The following ATAD2B variants were observed in gnomAD, a reference collection of about 807,000 sequenced individuals.
The protein encoded by ATAD2B is ATPase family AAA domain-containing protein 2B.
Under a neutral mutation model 167.6 loss-of-function variants are expected in ATAD2B, and 40 were observed. The observed-to-expected ratio is 0.24, with a 90% CI of 0.19 to 0.31. The LOEUF is 0.31. ATAD2B is among the 10% of genes least tolerant of loss of function. The pLI, the probability that ATAD2B is intolerant of heterozygous loss-of-function variation, is 1.00. For synonymous variants in ATAD2B, 579 were observed against 596.5 expected (o/e 0.97, Z 0.43); for missense variants, 1,242 against 1,757.2 (o/e 0.71, Z 5.24).
rs772706846 is a variant in ATAD2B, at chr2:23,864,784, A to T, written c.1304+25T>A. Reference sequence around the variant, plus strand: ...TTGAGAAAGTAACAGTAATAACAATAATAAACATCTATGACATTGCTTACC... The same window carrying T: ...TTGAGAAAGTAACAGTAATAACAATTATAAACATCTATGACATTGCTTACC... On this transcript the variant is annotated intron_variant, in intron 11 of 27. Coordinates refer to ENST00000238789, the MANE Select transcript of ATAD2B (RefSeq NM_017552.4). 7.9e-6 allele frequency: 9 copies of T among 1,142,246 alleles called. No homozygotes were observed. In the South Asian group the frequency reaches 1.2e-4, roughly 15 times the overall value. The allele number at this position is 1,142,246 out of a possible 1,614,324, so 70.8% of individuals were successfully genotyped here.
the ATAD2B span, among the ~76,000 whole-genome samples, chr2:23,717,566 A>G: frequency 6.6e-6 from 1 of 152,164 alleles, no homozygotes; most frequent in African/African-American, 2.4e-5. Context: ...ACACTTCACA[A>G]AAATAACAGG....
At chr2:23,907,595 C>A (rs1701682412) in intron 1 of ATAD2B, among the ~76,000 whole-genome samples, 3 of 152,168 alleles carry the variant, frequency 2.0e-5, no homozygotes. Context: ...CAATGACTTT[C>A]TTCACAGAAT....
the ATAD2B span, chr2:23,697,428 G>A: frequency 1.3e-5 from 2 of 152,302 alleles, no homozygotes; most frequent in African/African-American, 4.8e-5. Flanking sequence ...GCACAACCCA[G>A]GGGAGACAGC....
intron 2 of ATAD2B, among the ~76,000 whole-genome samples, chr2:23,891,629 C>G (rs1364698829): frequency 6.6e-6 from 1 of 151,684 alleles, no homozygotes. Flanking sequence ...CCAAGCAGTA[C>G]AGGCGTGCAC....
At chr2:23,687,467 A>G in the ATAD2B span, among the ~76,000 whole-genome samples, 1 of 152,174 alleles carries the variant, frequency 6.6e-6, no homozygotes, top group African/African-American at 2.4e-5. Flanking sequence ...CACAGGACAG[A>G]ATGGGAATTC....
chr2:23,799,570 C>CAAAAAAAA (rs763947000), intron 18 of ATAD2B, among the ~76,000 whole-genome samples: 8 of 40,466 alleles, frequency 2.0e-4, no homozygotes, highest in South Asian at 1.0e-3. Flanking sequence ...GACTCCATCT[C>CAAAAAAAA]AAAAAAAAAA....
At position 23,905,518 on chromosome 2, in the gene ATAD2B, T is replaced by A. The variant is rs747103504; in HGVS notation, c.217-9548A>T. On this transcript the variant is annotated intron_variant, in intron 1 of 27. Coordinates refer to ENST00000238789, the MANE Select transcript of ATAD2B (RefSeq NM_017552.4). ...CAGCTTGGGTGACACAGTGAGACCCTGTTTCAAAAAAAGAAAAGAAAAGAA... is the reference window on the plus strand; with the variant it reads ...CAGCTTGGGTGACACAGTGAGACCCAGTTTCAAAAAAAGAAAAGAAAAGAA... Among the ~76,000 whole-genome samples, 21 of 152,026 alleles carry A rather than the reference T, an allele frequency of 1.4e-4. 2 individuals carry two copies. The East Asian group carries it at 4.1e-3, about 29-fold the overall frequency.
At chr2:23,708,130 C>T in the ATAD2B span, 1 of 152,226 alleles carries the variant, frequency 6.6e-6, no homozygotes, top group African/African-American at 2.4e-5. Flanking sequence ...CGCTTTCCAT[C>T]GTTCAGTATT....
chr2:23,811,697 G>A (rs769581226), intron 17 of ATAD2B, among the ~76,000 whole-genome samples: 4 of 151,848 alleles, frequency 2.6e-5, no homozygotes, highest in Admixed American at 6.6e-5. Context: ...GTATACCTAC[G>A]TAACAAACCT....
At chr2:23,903,970 T>A (rs1327294350) in intron 1 of ATAD2B, among the ~76,000 whole-genome samples, 1 of 152,004 alleles carries the variant, frequency 6.6e-6, no homozygotes, top group Non-Finnish European at 1.5e-5. Flanking sequence ...GTAGTGGTGA[T>A]GGTGGTGTGG....
chr2:23,737,966 G>A, the ATAD2B span, among the ~76,000 whole-genome samples: 1 of 152,122 alleles, frequency 6.6e-6, no homozygotes, highest in Non-Finnish European at 1.5e-5. Context: ...AAGACGAAAT[G>A]AATGAAATGA....
At chr2:23,747,298 C>CAT (rs1237938723), downstream of ATAD2B, among the ~76,000 whole-genome samples, 1 of 150,838 alleles carries the variant, frequency 6.6e-6, no homozygotes, top group Non-Finnish European at 1.5e-5. Flanking sequence ...CAGCATACGC[C>CAT]ATATATATAC....
intron 11 of ATAD2B, 72 bp from the exon 12 acceptor site, chr2:23,863,627 TCCC>T: frequency 7.7e-7 from 1 of 1,298,288 alleles, no homozygotes; most frequent in Non-Finnish European, 1.0e-6. Flanking sequence ...TTAAAAAATG[TCCC>T]CCCCTTCCAT....
intron 8 of ATAD2B, 105 bp downstream of exon 8, chr2:23,875,724 G>C: frequency 2.6e-6 from 2 of 762,696 alleles, no homozygotes; most frequent in South Asian, 1.6e-5. Context: ...GAAGATAATA[G>C]TAGCTAAATA....
At chr2:23,805,024 TC>T (rs1417695926) in intron 18 of ATAD2B, among the ~76,000 whole-genome samples, 1 of 150,836 alleles carries the variant, frequency 6.6e-6, no homozygotes, top group Non-Finnish European at 1.5e-5. Context: ...GCGCCTATAA[TC>T]CCACCTACTC....
chr2:23,786,266 G>A lies in ATAD2B; in HGVS notation c.2777-43C>T, dbSNP rs1338370170. On this transcript the variant is annotated intron_variant, in intron 20 of 27. Coordinates refer to ENST00000238789, the MANE Select transcript of ATAD2B (RefSeq NM_017552.4). Reference sequence around the variant, plus strand: ...AAATGTTAAGATTCCAACGTCGTGGGCCAGGACCCTTTTTTGGCATTCTCT... The same window carrying A: ...AAATGTTAAGATTCCAACGTCGTGGACCAGGACCCTTTTTTGGCATTCTCT... 4 of 1,450,710 alleles carry A rather than the reference G, an allele frequency of 2.8e-6. No homozygotes were observed. The South Asian group carries it at 5.3e-5, about 19-fold the overall frequency. 89.9% of individuals were successfully genotyped at this position (1,450,710 alleles called of 1,614,324 possible).
intron 19 of ATAD2B, among the ~76,000 whole-genome samples, chr2:23,795,704 A>T (rs1242025454): frequency 2.0e-5 from 3 of 151,802 alleles, no homozygotes; most frequent in Non-Finnish European, 4.4e-5. Context: ...ACATGGTGAA[A>T]CCCCATCTCT....
intron 18 of ATAD2B, among the ~76,000 whole-genome samples, chr2:23,798,533 C>T (rs1198352209): frequency 1.4e-5 from 2 of 146,274 alleles, no homozygotes; most frequent in Non-Finnish European, 3.0e-5. Flanking sequence ...TTTGCCCTAT[C>T]AAAAAAAAAA....
rs1031884743 is a variant in ATAD2B, at chr2:23,880,633, G to A, written c.901+6C>T. The A allele has an allele frequency of 1.2e-5, 18 of 1,519,064 alleles. No homozygotes were observed. Among genetic ancestry groups the A allele is most frequent in the Non-Finnish European group, 1.6e-5 (18 of 1,106,310 alleles). The allele number at this position is 1,519,064 out of a possible 1,614,324, so 94.1% of individuals were successfully genotyped here. ...AGAAAGAAAAAAGTTATTTAGAGTT[G>A]CCTACCTATTGGAGGTGCTTGGTAT... On this transcript the variant is annotated splice_donor_region_variant and intron_variant, in intron 7 of 27. Coordinates refer to ENST00000238789, the MANE Select transcript of ATAD2B (RefSeq NM_017552.4).
Sources: allele counts gnomAD v4.1 joint callset (sites outside exome capture counted in the v4.1 genomes callset), GRCh38; gene constraint gnomAD v4.1.1; transcripts MANE v1.5; gene names NCBI Gene and HGNC (gene_info 2026-07-23, HGNC 2026-07-21).